Variants in UBXN2B observed in about 807,000 individuals in gnomAD.
UBXN2B encodes UBX domain-containing protein 2B.
Under a neutral mutation model 37.5 loss-of-function variants are expected in UBXN2B, and 19 were observed. The observed-to-expected ratio is 0.51, with a 90% CI of 0.35 to 0.74. The LOEUF (loss-of-function observed/expected upper bound fraction) is 0.74. Ranked by LOEUF, UBXN2B falls within the 30% of genes least tolerant of loss-of-function variation. The pLI, the probability that UBXN2B is intolerant of heterozygous loss-of-function variation, is 0.01. For synonymous variants in UBXN2B, 145 were observed against 143.8 expected (o/e 1.01, Z -0.06); for missense variants, 370 against 393.2 (o/e 0.94, Z 0.50).
intron 3 of UBXN2B, among the ~76,000 whole-genome samples, chr8:58,432,317 T>G (rs185272950): frequency 8.1e-4 from 122 of 151,352 alleles, no homozygotes; most frequent in African/African-American, 2.7e-3. Context: ...TGCTCCAGCA[T>G]CACTTCTTGA....
intron 1 of UBXN2B, among the ~76,000 whole-genome samples, chr8:58,411,861 C>CT (rs1563453684): frequency 6.6e-6 from 1 of 152,106 alleles, no homozygotes; most frequent in South Asian, 2.1e-4. Flanking sequence ...GTGATTTGTT[C>CT]TTTTTTGTCT....
chr8:58,426,708 G>A (rs1289660638), intron 2 of UBXN2B: 26 of 690,504 alleles, frequency 3.8e-5, no homozygotes, highest in Admixed American at 3.7e-4. Context: ...TTCCGGCTCC[G>A]TGACAGACCC....
chr8:58,424,886 T>A (rs1808037652), intron 2 of UBXN2B: 2 of 1,066,996 alleles, frequency 1.9e-6, no homozygotes, highest in Non-Finnish European at 2.9e-6. Flanking sequence ...GACTGCACCA[T>A]CTGGATAGTT....
chr8:58,447,720 G>C lies in UBXN2B; in HGVS notation c.*169G>C. ...TCTGAATATAGACAAATTTGGATTAGGAATAGACCTTGAGATAAGTATGTT... is the reference window on the plus strand; with the variant it reads ...TCTGAATATAGACAAATTTGGATTACGAATAGACCTTGAGATAAGTATGTT... On this transcript the variant is annotated 3_prime_UTR_variant, in exon 8 of 8. Coordinates refer to ENST00000399598, the MANE Select transcript of UBXN2B (RefSeq NM_001077619.2). 5 of 558,376 alleles carry C rather than the reference G, an allele frequency of 9.0e-6. No individual in the cohort carries two copies. The highest frequency in any genetic ancestry group is 1.4e-5 in the Non-Finnish European group (5 of 352,496). 34.6% of individuals were successfully genotyped at this position (558,376 alleles called of 1,614,324 possible). A position where few individuals can be genotyped will look rare whatever the true frequency, so the allele number is the denominator to read the frequency against.
At chr8:58,432,375 C>CTTTTTTTTTTTTTTTT (rs34018318) in intron 3 of UBXN2B, among the ~76,000 whole-genome samples, 4 of 81,518 alleles carry the variant, frequency 4.9e-5, no homozygotes, top group East Asian at 3.9e-4. Flanking sequence ...TTCTAAATTT[C>CTTTTTTTTTTTTTTTT]TTTTTTTTTT....
chr8:58,446,041 T>C lies in UBXN2B; in HGVS notation c.806T>C (p.Leu269Ser), dbSNP rs1477588334. The C allele has an allele frequency of 6.2e-7, 1 of 1,612,206 alleles. No individual in the cohort carries two copies. The highest frequency in any genetic ancestry group is 8.5e-7 in the Non-Finnish European group (1 of 1,179,536). Reference protein sequence around the residue: ...IQIRLADGSRLIQRFNSTHRI... With the variant: ...IQIRLADGSRSIQRFNSTHRI... ...ATCAGGTTAGCAGATGGGAGTCGTT[T>C]GATACAAAGATTCAATAGTACACAC... Residue 269 changes from leucine to serine, a missense_variant, in exon 7 of 8, where the codon TTG (leucine) becomes TCG (serine). Leu to Ser is a moderately radical substitution (Grantham distance 145). This residue lies in a region of UBXN2B where 83 missense variants were observed against 83.5 expected (regional missense o/e 0.99). Coordinates refer to ENST00000399598, the MANE Select transcript of UBXN2B (RefSeq NM_001077619.2).
intron 2 of UBXN2B, among the ~76,000 whole-genome samples, chr8:58,419,868 GCACAAGGCCC>G (rs1432677274): frequency 1.1e-4 from 17 of 152,242 alleles, no homozygotes; most frequent in Non-Finnish European, 1.8e-4. Context: ...CTGTGCTATT[GCACAAGGCCC>G]CATGCTTAGA....
chr8:58,435,600 CTG>C (rs1808392199), intron 5 of UBXN2B, among the ~76,000 whole-genome samples: 1 of 152,084 alleles, frequency 6.6e-6, no homozygotes, highest in Non-Finnish European at 1.5e-5. Flanking sequence ...ACCAACATAA[CTG>C]TAGAAATTGA....
rs150300103 is a variant in UBXN2B, at chr8:58,422,343, T to C, written c.188+5390T>C. 2.2e-3 allele frequency among the ~76,000 whole-genome samples: 341 copies of C among 152,334 alleles called. 2 individuals carry two copies. The highest frequency in any genetic ancestry group is 3.4e-3 in the Non-Finnish European group (231 of 68,030). ...CTGAGAGACCTCAGAAAGGAACTAC[T>C]ACCAGGGCTGGATCTAGGCCTTCCT... On this transcript the variant is annotated intron_variant, in intron 2 of 7. Coordinates refer to ENST00000399598, the MANE Select transcript of UBXN2B (RefSeq NM_001077619.2).
intron 2 of UBXN2B, among the ~76,000 whole-genome samples, chr8:58,418,968 C>G (rs1460124044): frequency 6.6e-6 from 1 of 152,084 alleles, no homozygotes; most frequent in Non-Finnish European, 1.5e-5. Flanking sequence ...TAATATTTTC[C>G]TTGCTATTCA....
intron 1 of UBXN2B, among the ~76,000 whole-genome samples, chr8:58,414,195 G>A (rs1038081310): frequency 6.6e-6 from 1 of 152,154 alleles, no homozygotes; most frequent in African/African-American, 2.4e-5. Context: ...TCATTATTCT[G>A]TATCGTTGAT....
At chr8:58,441,880 T>G (rs763762085) in intron 6 of UBXN2B, among the ~76,000 whole-genome samples, 20 of 152,186 alleles carry the variant, frequency 1.3e-4, no homozygotes, top group Non-Finnish European at 2.6e-4. Context: ...AGTAATAGGT[T>G]TCTTACAGGA....
At chr8:58,431,433 C>A (rs894465678) in intron 3 of UBXN2B, among the ~76,000 whole-genome samples, 2 of 152,176 alleles carry the variant, frequency 1.3e-5, no homozygotes, top group African/African-American at 4.8e-5. Context: ...TCCCGAGTAG[C>A]ATTTTATATA....
Position 58,433,161 on chromosome 8 carries a change from C to A in UBXN2B, c.341C>A (p.Ser114Ter). 1 of 1,608,932 alleles carries A rather than the reference C, an allele frequency of 6.2e-7. No homozygotes were observed. The highest frequency in any genetic ancestry group is 1.1e-5 in the South Asian group (1 of 90,408). Residue 114 changes from serine (S) to a stop codon, truncating the protein, a stop_gained and splice_region_variant, in exon 4 of 8, where the codon TCA (serine) becomes TAA (stop). Transcript: ENST00000399598. LOFTEE classifies it high-confidence loss of function. ...TRASGDDKSK[S>*]FTGGGYRLGS... Reference sequence around the variant, plus strand: ...TAACTCACTTGCTATGTATTTTAGTCATTTACAGGTGGAGGATACAGATTG... The same window carrying A: ...TAACTCACTTGCTATGTATTTTAGTAATTTACAGGTGGAGGATACAGATTG...
intron 2 of UBXN2B, among the ~76,000 whole-genome samples, chr8:58,421,035 T>C (rs1323093334): frequency 6.6e-6 from 1 of 152,238 alleles, no homozygotes. Flanking sequence ...GTTTCCCTTA[T>C]GGATACTAAG....
chr8:58,433,301 G>T (rs1225194297), intron 4 of UBXN2B, 58 bp downstream of exon 4: 1 of 1,327,150 alleles, frequency 7.5e-7, no homozygotes, highest in Non-Finnish European at 1.0e-6. Context: ...TACTAAAACT[G>T]TTGGTTTTAA....
At position 58,430,664 on chromosome 8, in the gene UBXN2B, T is replaced by C; in HGVS notation, c.334T>C (p.Ser112Pro). 2 of 1,549,146 alleles carry C rather than the reference T, an allele frequency of 1.3e-6. No individual in the cohort carries two copies. The highest frequency in any genetic ancestry group is 2.3e-5 in the East Asian group (1 of 42,656). ...CACAAGAGCTTCAGGTGATGATAAA[T>C]CTAAGGTCAGTGCTCAATTTTAAAC... is the stretch of plus-strand genomic sequence containing the variant. ...EATRASGDDK[S>P]KSFTGGGYRL... is the part of the protein sequence containing the mutation. Residue 112 changes from serine (S) to proline (P), a missense_variant, in exon 3 of 8, where the codon TCT (serine) becomes CCT (proline). Ser to Pro is a moderately conservative substitution (Grantham distance 74). Coordinates refer to ENST00000399598, the MANE Select transcript of UBXN2B (RefSeq NM_001077619.2).
intron 2 of UBXN2B, among the ~76,000 whole-genome samples, chr8:58,423,743 GT>G (rs35749261): frequency 1.7e-4 from 25 of 147,466 alleles, no homozygotes; most frequent in African/African-American, 2.2e-4. Context: ...CCGGGGATGG[GT>G]TTTTTTTTTT....
chr8:58,416,747 C>A, intron 1 of UBXN2B, 103 bp from the exon 2 acceptor site: 2 of 921,064 alleles, frequency 2.2e-6, no homozygotes, highest in Non-Finnish European at 3.0e-6. Flanking sequence ...CATGAAAAGT[C>A]TTTACCACTC....
Sources: allele counts gnomAD v4.1 joint callset (sites outside exome capture counted in the v4.1 genomes callset), GRCh38; gene constraint gnomAD v4.1.1; regional missense constraint gnomAD v4.1.1; transcripts MANE v1.5; gene names NCBI Gene and HGNC (gene_info 2026-07-23, HGNC 2026-07-21).